The following GRM8 variants were observed in gnomAD, a reference collection of about 807,000 sequenced individuals.
GRM8 encodes the protein glutamate metabotropic receptor 8, also known as metabotropic glutamate receptor 8.
A neutral mutation model predicts 87.2 loss-of-function variants in GRM8; 47 were observed. The observed-to-expected ratio is 0.54, with a 90% CI of 0.43 to 0.69. The LOEUF is 0.69. Among genes scored for constraint, GRM8 ranks in the 30% least tolerant of loss-of-function variants. The pLI is 0.00. For synonymous variants in GRM8, 396 were observed against 404.5 expected (o/e 0.98, Z 0.25); for missense variants, 1,019 against 1,139.2 (o/e 0.89, Z 1.52).
At chr7:126,818,295 C>T (rs1793980138) in intron 6 of GRM8, among the ~76,000 whole-genome samples, 1 of 152,094 alleles carries the variant, frequency 6.6e-6, no homozygotes, top group South Asian at 2.1e-4. Context: ...GGAAACGTAA[C>T]TTGAGATATT....
At position 126,945,263 on chromosome 7, in the gene GRM8, C is replaced by A. The variant is rs542521340; in HGVS notation, c.728-40580G>T. Among the ~76,000 whole-genome samples, 9 of 152,170 alleles carry A rather than the reference C, an allele frequency of 5.9e-5. No individual in the cohort carries two copies. In the South Asian group the frequency reaches 1.9e-3, roughly 32 times the overall value. ...CATGGTGGTATATTCCAATTTATAG[C>A]ATTTTATTTCTTTATAAAAGGAAAA... On this transcript the variant is annotated intron_variant, in intron 3 of 10. Transcript: ENST00000339582.
At chr7:126,748,511 G>A (rs1360004225) in intron 7 of GRM8, among the ~76,000 whole-genome samples, 1 of 150,708 alleles carries the variant, frequency 6.6e-6, no homozygotes, top group Non-Finnish European at 1.5e-5. Flanking sequence ...GAAAGATAAT[G>A]TTCATAGATG....
At chr7:126,619,291 G>A (rs570697046) in intron 7 of GRM8, among the ~76,000 whole-genome samples, 14 of 152,192 alleles carry the variant, frequency 9.2e-5, no homozygotes, top group East Asian at 3.9e-4. Flanking sequence ...ACCAAACACC[G>A]CATGTTCTCA....
At chr7:127,186,355 C>A (rs1197806448) in intron 2 of GRM8, among the ~76,000 whole-genome samples, 2 of 152,166 alleles carry the variant, frequency 1.3e-5, no homozygotes, top group Admixed American at 6.5e-5. Context: ...ACCTTGTGTC[C>A]AATCTGCCCC....
intron 9 of GRM8, among the ~76,000 whole-genome samples, chr7:126,472,885 G>T (rs1805460820): frequency 6.6e-6 from 1 of 152,202 alleles, no homozygotes. Flanking sequence ...GCTTCAGAGG[G>T]TACAAGCCAC....
chr7:127,172,673 C>T (rs1041978342), intron 2 of GRM8, among the ~76,000 whole-genome samples: 8 of 150,708 alleles, frequency 5.3e-5, no homozygotes, highest in Admixed American at 6.6e-5. Flanking sequence ...ATGCCATTAG[C>T]ACTCCAGGCT....
At chr7:126,494,822 A>G (rs1177153812) in intron 9 of GRM8, among the ~76,000 whole-genome samples, 1 of 152,022 alleles carries the variant, frequency 6.6e-6, no homozygotes, top group Non-Finnish European at 1.5e-5. Context: ...TACTAAAATC[A>G]CAAAATACAA....
intron 6 of GRM8, among the ~76,000 whole-genome samples, chr7:126,774,690 G>A (rs1393541162): frequency 6.6e-6 from 1 of 152,086 alleles, no homozygotes; most frequent in Non-Finnish European, 1.5e-5. Flanking sequence ...TTCACACTTT[G>A]TGGTATATAT....
At chr7:126,735,216 T>G (rs934888428) in intron 7 of GRM8, among the ~76,000 whole-genome samples, 6 of 152,100 alleles carry the variant, frequency 3.9e-5, no homozygotes, top group African/African-American at 1.4e-4. Context: ...CAGATTAATG[T>G]ATGTATTCTC....
In GRM8 at chr7:126,876,823, G is replaced by A. The variant is rs192065498; in HGVS notation, c.1156+25719C>T. On this transcript the variant is annotated intron_variant, in intron 6 of 10. Coordinates refer to ENST00000339582, the MANE Select transcript of GRM8 (RefSeq NM_000845.3). Reference sequence around the variant, plus strand: ...CCACTAAAATTTCACACCTGGCATTGAAACTACCTAGTTTGCCTGCAAGAA... The same window carrying A: ...CCACTAAAATTTCACACCTGGCATTAAAACTACCTAGTTTGCCTGCAAGAA... 2.8e-3 allele frequency among the ~76,000 whole-genome samples: 423 copies of A among 152,074 alleles called. 4 individuals carry two copies. The highest frequency in any genetic ancestry group is 9.7e-3 in the African/African-American group (402 of 41,500).
intron 9 of GRM8, among the ~76,000 whole-genome samples, chr7:126,453,424 A>G (rs1324438125): frequency 6.6e-6 from 1 of 151,752 alleles, no homozygotes; most frequent in East Asian, 2.0e-4. Flanking sequence ...GCTACGAATA[A>G]AGAATTGTGA....
intron 9 of GRM8, among the ~76,000 whole-genome samples, chr7:126,473,034 A>C (rs541565148): frequency 1.4e-4 from 21 of 152,288 alleles, no homozygotes; most frequent in Middle Eastern, 3.4e-3. Context: ...GCAGGGATGG[A>C]GCCCTCCTAG....
At chr7:127,023,716 C>T (rs963948609) in intron 3 of GRM8, among the ~76,000 whole-genome samples, 8 of 152,048 alleles carry the variant, frequency 5.3e-5, no homozygotes, top group African/African-American at 1.9e-4. Context: ...ACAAACCCCC[C>T]AAAAATCTCC....
intron 7 of GRM8, among the ~76,000 whole-genome samples, chr7:126,679,381 GA>G (rs1206531582): frequency 2.0e-5 from 3 of 152,142 alleles, no homozygotes; most frequent in Non-Finnish European, 2.9e-5. Flanking sequence ...GATTTTAAAT[GA>G]AGATACATTA....
intron 9 of GRM8, among the ~76,000 whole-genome samples, chr7:126,455,826 G>C (rs1016246995): frequency 1.3e-5 from 2 of 151,570 alleles, no homozygotes; most frequent in African/African-American, 4.8e-5. Context: ...GCAGGCAGGC[G>C]AAGGTGGATT....
intron 7 of GRM8, among the ~76,000 whole-genome samples, chr7:126,745,392 A>ATATATTACATTATATTATATTATAT (rs1554476309): frequency 6.8e-6 from 1 of 146,176 alleles, no homozygotes; most frequent in Non-Finnish European, 1.5e-5. Flanking sequence ...AGACATAGTC[A>ATATATTACATTATATTATATTATAT]TATATTATAT....
At chr7:126,747,449 G>T (rs1815828145) in intron 7 of GRM8, among the ~76,000 whole-genome samples, 1 of 151,932 alleles carries the variant, frequency 6.6e-6, no homozygotes, top group Non-Finnish European at 1.5e-5. Flanking sequence ...CCCTGGTTTG[G>T]ATAAAGATTT....
At chr7:127,089,763 G>C (rs1017048544) in intron 3 of GRM8, among the ~76,000 whole-genome samples, 1 of 152,148 alleles carries the variant, frequency 6.6e-6, no homozygotes, top group Non-Finnish European at 1.5e-5. Context: ...TCACAGAATA[G>C]AGCTCATCTA....
At position 126,767,539 on chromosome 7, in the gene GRM8, G is replaced by A. The variant is rs749944362; in HGVS notation, c.1357+2326C>T. Among the ~76,000 whole-genome samples, 5 of 151,822 alleles carry A rather than the reference G, an allele frequency of 3.3e-5. No homozygotes were observed. The South Asian group carries it at 6.2e-4, about 19-fold the overall frequency. On this transcript the variant is annotated intron_variant, in intron 7 of 10. Coordinates refer to ENST00000339582, the MANE Select transcript of GRM8 (RefSeq NM_000845.3). Reference sequence around the variant, plus strand: ...AATGAAAATTATAAATCACATTGTCGGTCCCTTTATGCTTTGACTGCTTAA... The same window carrying A: ...AATGAAAATTATAAATCACATTGTCAGTCCCTTTATGCTTTGACTGCTTAA...
Sources: gnomAD v4.1 joint callset for allele counts (sites outside exome capture counted in the v4.1 genomes callset) on GRCh38, gnomAD v4.1.1 for gene constraint, MANE v1.5 for transcripts, NCBI Gene and HGNC (gene_info 2026-07-23, HGNC 2026-07-21) for gene names.